Variants in SP110 observed in about 807,000 individuals in gnomAD.
SP110 encodes SP110 nuclear body protein, also known as interferon-induced protein 41, 30kD.
SP110 carries 62 observed loss-of-function variants against 92.7 expected under a neutral mutation model. The observed-to-expected ratio is 0.67, with a 90% CI of 0.55 to 0.83. The LOEUF (loss-of-function observed/expected upper bound fraction) is 0.83, where lower values mean the gene tolerates loss of function less well. Ranked by LOEUF, SP110 falls within the 40% of genes least tolerant of loss-of-function variation. The pLI, the probability that SP110 is intolerant of heterozygous loss-of-function variation, is 0.00. For synonymous variants in SP110, 273 were observed against 305.3 expected (o/e 0.89, Z 1.10); for missense variants, 793 against 863.9 (o/e 0.92, Z 1.03).
At chr2:230,204,739 G>C (rs567151197) in intron 8 of SP110, among the ~76,000 whole-genome samples, 2 of 152,158 alleles carry the variant, frequency 1.3e-5, no homozygotes, top group South Asian at 4.1e-4. Flanking sequence ...GCTGGGTGCT[G>C]TAGAAATTAT....
intron 18 of SP110, among the ~76,000 whole-genome samples, chr2:230,170,039 T>C (rs574579400): frequency 2.0e-5 from 3 of 152,254 alleles, no homozygotes; most frequent in South Asian, 2.1e-4. Context: ...TCCCAAGAAA[T>C]ATCTGTACAA....
chr2:230,207,466 G>A (rs2043994699), intron 8 of SP110, among the ~76,000 whole-genome samples: 1 of 152,118 alleles, frequency 6.6e-6, no homozygotes, highest in South Asian at 2.1e-4. Flanking sequence ...TACAGTTCTT[G>A]ACAAAACACA....
In SP110 at chr2:230,188,575, G is replaced by A. The variant is rs915041805; in HGVS notation, c.1130-2432C>T. On this transcript the variant is annotated intron_variant, in intron 10 of 18. Transcript: ENST00000258381. ...TCCTTGTCTTATTCCAGTTCTCCAG[G>A]GGAATGCATTAGATTTTTTCCCATT... 2.6e-4 allele frequency among the ~76,000 whole-genome samples: 40 copies of A among 152,098 alleles called. 1 individual carries two copies. Among genetic ancestry groups the A allele is most frequent in the African/African-American group, 8.9e-4 (37 of 41,426 alleles).
At chr2:230,200,745 A>T in intron 10 of SP110, 140 bp downstream of exon 10, 1 of 716,716 alleles carries the variant, frequency 1.4e-6, no homozygotes, top group Non-Finnish European at 2.5e-6. Flanking sequence ...GGTCTTGATT[A>T]AGAAAAAAAA....
chr2:230,204,263 A>G (rs2043507728), intron 8 of SP110, among the ~76,000 whole-genome samples: 1 of 152,172 alleles, frequency 6.6e-6, no homozygotes, highest in Non-Finnish European at 1.5e-5. Context: ...TCTCTAACAA[A>G]GTCACTTCTC....
At chr2:230,213,310 G>A (rs76329891) in intron 3 of SP110, among the ~76,000 whole-genome samples, 2,732 of 152,218 alleles carry the variant, frequency 0.018, 76 homozygotes, top group African/African-American at 0.062. Flanking sequence ...GTACCCAGGG[G>A]TTTAACTTTT....
chr2:230,176,461 A>G (rs1356905396), intron 14 of SP110: 1 of 1,441,760 alleles, frequency 6.9e-7, no homozygotes, highest in Admixed American at 2.7e-5. Flanking sequence ...TTTCTAAAAC[A>G]CATGGACATG....
In SP110 at chr2:230,188,480, C is replaced by A. The variant is rs116526058; in HGVS notation, c.1130-2337G>T. Among the ~76,000 whole-genome samples the A allele has an allele frequency of 3.2e-3, 482 of 152,132 alleles. 6 individuals carry two copies. Among genetic ancestry groups the A allele is most frequent in the African/African-American group, 0.011 (467 of 41,520 alleles). On this transcript the variant is annotated intron_variant, in intron 10 of 18. Coordinates refer to ENST00000258381, the MANE Select transcript of SP110 (RefSeq NM_080424.4). ...TTTCCAATTTGGATGTCATTTATTT[C>A]TTTCTCTTTTCTGATTGTTCTGGCT...
intron 8 of SP110, among the ~76,000 whole-genome samples, chr2:230,205,646 T>G (rs1273178458): frequency 1.3e-5 from 2 of 152,244 alleles, no homozygotes; most frequent in Non-Finnish European, 2.9e-5. Flanking sequence ...ATACAGTTAG[T>G]GCTCACTGCA....
rs41552512 is a variant in SP110 at position 230,185,870 on chromosome 2, C to G, written c.1279+124G>C. The G allele has an allele frequency of 7.7e-3, 6,717 of 873,710 alleles. 289 individuals carry two copies. The African/African-American group carries it at 0.096, about 13-fold the overall frequency. The allele number at this position is 873,710 out of a possible 1,614,324, so 54.1% of individuals were successfully genotyped here. On this transcript the variant is annotated intron_variant, in intron 11 of 18. Coordinates refer to ENST00000258381, the MANE Select transcript of SP110 (RefSeq NM_080424.4). ...ACAGATCCGTGCTCTGTCTTCATGT[C>G]CCTCTTTTCTGTACGTCTCCCTCCT...
intron 10 of SP110, among the ~76,000 whole-genome samples, chr2:230,194,357 TGG>T (rs1373017998): frequency 1.3e-5 from 2 of 151,768 alleles, no homozygotes; most frequent in Non-Finnish European, 2.9e-5. Flanking sequence ...CCGAGAACTT[TGG>T]GAGGCTAGGG....
intron 10 of SP110, among the ~76,000 whole-genome samples, chr2:230,189,473 C>T (rs947751750): frequency 1.3e-5 from 2 of 152,056 alleles, no homozygotes; most frequent in South Asian, 4.1e-4. Context: ...TATTTAATTT[C>T]CATTTATTTG....
chr2:230,215,208 A>G (rs1242834025), intron 2 of SP110, 90 bp from the exon 3 acceptor site: 3 of 1,026,382 alleles, frequency 2.9e-6, no homozygotes, highest in Non-Finnish European at 4.5e-6. Flanking sequence ...TAAGAAAGCT[A>G]CCTTACTCTT....
chr2:230,222,634 G>A (rs1284147518), upstream of SP110, among the ~76,000 whole-genome samples: 2 of 151,440 alleles, frequency 1.3e-5, no homozygotes, highest in Non-Finnish European at 2.9e-5. Flanking sequence ...AGAAGTGGGA[G>A]AATTGCTTGA....
In SP110 at chr2:230,216,905, A is replaced by T; in HGVS notation, c.23T>A (p.Met8Lys). Residue 8 changes from methionine (M) to lysine (K), a missense_variant, in exon 2 of 19, where the codon ATG (methionine) becomes AAG (lysine). Transcript: ENST00000258381. ...GAAGTGCTGAAAAAGAGCCTCTTCCATGGCTCTTGTCATGGTGAACATCCT... is the reference window on the plus strand; with the variant it reads ...GAAGTGCTGAAAAAGAGCCTCTTCCTTGGCTCTTGTCATGGTGAACATCCT... MFTMTRAMEEALFQHFMH... is the reference protein window; with the variant it reads MFTMTRAKEEALFQHFMH... The T allele has an allele frequency of 6.2e-7, 1 of 1,613,830 alleles. No homozygotes were observed. Among genetic ancestry groups the T allele is most frequent in the Non-Finnish European group, 8.5e-7 (1 of 1,179,912 alleles).
At chr2:230,170,500 C>G (rs2078408235) in intron 18 of SP110, 121 bp downstream of exon 18, 2 of 1,221,798 alleles carry the variant, frequency 1.6e-6, no homozygotes, top group Non-Finnish European at 2.4e-6. Context: ...TTTCTGTAAT[C>G]CTTGTCTTGT....
chr2:230,176,498 T>G, intron 14 of SP110: 3 of 1,512,878 alleles, frequency 2.0e-6, no homozygotes, highest in Non-Finnish European at 2.6e-6. Flanking sequence ...AATTTTTATT[T>G]TAGAGTCATT....
At chr2:230,175,058 T>C (rs1238164930) in intron 14 of SP110, among the ~76,000 whole-genome samples, 3 of 152,120 alleles carry the variant, frequency 2.0e-5, no homozygotes, top group South Asian at 2.1e-4. Context: ...TTTTTTCTGG[T>C]TGCAAAAGTA....
intron 12 of SP110, among the ~76,000 whole-genome samples, chr2:230,181,204 C>T (rs545521733): frequency 1.3e-5 from 2 of 152,326 alleles, no homozygotes; most frequent in African/African-American, 4.8e-5. Flanking sequence ...GGTTTGGTTT[C>T]AAGAATTGGC....
Sources: allele counts gnomAD v4.1 joint callset (sites outside exome capture counted in the v4.1 genomes callset), GRCh38; gene constraint gnomAD v4.1.1; transcripts MANE v1.5; gene names NCBI Gene and HGNC (gene_info 2026-07-23, HGNC 2026-07-21).